GAS6: variants seen among roughly 807,000 people sequenced by gnomAD.
The protein encoded by GAS6 is growth arrest-specific protein 6.
In GAS6, 41 loss-of-function variants were observed where a neutral mutation model predicts 75.8. That is an observed-to-expected ratio of 0.54 (90% CI 0.42 to 0.70). The LOEUF (loss-of-function observed/expected upper bound fraction) is 0.70, where lower values mean the gene tolerates loss of function less well. Among genes scored for constraint, GAS6 ranks in the 30% least tolerant of loss-of-function variants. The pLI is 0.00. For synonymous variants in GAS6, 432 were observed against 412.6 expected (o/e 1.05, Z -0.57); for missense variants, 854 against 940.2 (o/e 0.91, Z 1.20).
chr13:113,860,092 G>A (rs183712913), intron 2 of GAS6, among the ~76,000 whole-genome samples: 133 of 152,326 alleles, frequency 8.7e-4, no homozygotes, highest in African/African-American at 3.0e-3. Context: ...CATCCCATGC[G>A]GAGAATTCCT....
chr13:113,839,028 C>T, intron 5 of GAS6: 1 of 165,372 alleles, frequency 6.0e-6, no homozygotes, highest in Non-Finnish European at 1.3e-5. Context: ...GCCTGGGGAG[C>T]TGCTGGCAGT....
In GAS6 at chr13:113,863,512, G is replaced by T; in HGVS notation, c.255+63C>A. 5 of 1,442,042 alleles carry T rather than the reference G, an allele frequency of 3.5e-6. No individual in the cohort carries two copies. Among genetic ancestry groups the T allele is most frequent in the Non-Finnish European group, 4.5e-6 (5 of 1,101,240 alleles). 89.3% of individuals were successfully genotyped at this position (1,442,042 alleles called of 1,614,324 possible). ...GGGGGCGGCAGCAGCGCTGCCTCTC[G>T]GGAGCGGTTGGAGGCGCGCGGGCGC... On this transcript the variant is annotated intron_variant, in intron 2 of 14. Coordinates refer to ENST00000327773, the MANE Select transcript of GAS6 (RefSeq NM_000820.4). This position sits in a 1 kb window ranked among gnomAD's most constrained non-coding sequence, Gnocchi z 9.4.
In GAS6 at chr13:113,834,678, A is replaced by C. The variant is rs761556478; in HGVS notation, c.713-6T>G. ...CTGCAGACACTCGTCCACATCTGCC[A>C]GCCAGAGGGAAGCGGCGGTGAGCCG... On this transcript the variant is annotated splice_polypyrimidine_tract_variant and splice_region_variant and intron_variant, in intron 7 of 14. Transcript: ENST00000327773. 2 of 1,548,476 alleles carry C rather than the reference A, an allele frequency of 1.3e-6. No individual in the cohort carries two copies. The highest frequency in any genetic ancestry group is 1.9e-5 in the Admixed American group (1 of 51,830).
chr13:113,820,761 G>C lies in GAS6; in HGVS notation c.*103C>G. 7.6e-7 allele frequency: 1 copy of C among 1,308,954 alleles called. No homozygotes were observed. Among genetic ancestry groups the C allele is most frequent in the Non-Finnish European group, 1.0e-6 (1 of 967,230 alleles). The allele number at this position is 1,308,954 out of a possible 1,614,324, so 81.1% of individuals were successfully genotyped here. A position where few individuals can be genotyped will look rare whatever the true frequency, so the allele number is the denominator to read the frequency against. ...TGTTACAGGCCGGGATGGTCACAGA[G>C]GAAAGCCCAGCTCTCAGCATGGCCC... On this transcript the variant is annotated 3_prime_UTR_variant, in exon 15 of 15. Transcript: ENST00000327773.
chr13:113,832,638 T>C lies in GAS6; in HGVS notation c.949A>G (p.Thr317Ala), dbSNP rs1311848343. 1 of 1,612,636 alleles carries C rather than the reference T, an allele frequency of 6.2e-7. No individual in the cohort carries two copies. Among genetic ancestry groups the C allele is most frequent in the Non-Finnish European group, 8.5e-7 (1 of 1,179,974 alleles). ...CTCCTGTGGACACCTCCTCACCTGG[T>C]GGGCTGCAGCCTCTTGAAGCGCAGT... Reference protein sequence around the residue: ...IRLRFKRLQPTRLVAEFDFRT... With the variant: ...IRLRFKRLQPARLVAEFDFRT... Residue 317 changes from threonine to alanine, a missense_variant, in exon 9 of 15, where the codon ACC (threonine) becomes GCC (alanine). By Grantham distance (58) the Thr-to-Ala change is moderately conservative (BLOSUM62 0). Coordinates refer to ENST00000327773, the MANE Select transcript of GAS6 (RefSeq NM_000820.4).
intron 14 of GAS6, chr13:113,821,690 C>A: frequency 4.1e-6 from 2 of 491,286 alleles, no homozygotes; most frequent in South Asian, 3.5e-5. Context: ...TGGACGAATG[C>A]TCCCTGAAGA....
chr13:113,839,604 C>A, intron 5 of GAS6, 124 bp downstream of exon 5: 1 of 1,291,074 alleles, frequency 7.7e-7, no homozygotes, highest in Non-Finnish European at 1.1e-6. Flanking sequence ...AGGGCTGCAG[C>A]CTCCTTGGGG....
intron 2 of GAS6, among the ~76,000 whole-genome samples, chr13:113,858,878 T>TG (rs1491479287): frequency 1.0e-4 from 15 of 149,380 alleles, no homozygotes; most frequent in African/African-American, 2.2e-4. Context: ...TGTACATGAC[T>TG]ATGTAAGTCT....
intron 2 of GAS6, among the ~76,000 whole-genome samples, chr13:113,858,528 T>C (rs1368129625): frequency 8.5e-6 from 1 of 118,094 alleles, no homozygotes. Context: ...TATGTGAATG[T>C]GTGCATGTCT....
rs1211579457 is a variant in GAS6, at chr13:113,829,139, C to T, written c.1144-428G>A. Among the ~76,000 whole-genome samples, 5 of 81,834 alleles carry T rather than the reference C, an allele frequency of 6.1e-5. 1 individual carries two copies. The highest frequency in any genetic ancestry group is 2.5e-4 in the African/African-American group (3 of 12,218). 53.7% of individuals were successfully genotyped at this position (81,834 alleles called of 152,430 possible). On this transcript the variant is annotated intron_variant, in intron 10 of 14. Coordinates refer to ENST00000327773, the MANE Select transcript of GAS6 (RefSeq NM_000820.4). ...CTCACCTGGGCCAAGAGGGTCCCGACCTCAGGGAGACCACCTGATCCTCCC... is the reference window on the plus strand; with the variant it reads ...CTCACCTGGGCCAAGAGGGTCCCGATCTCAGGGAGACCACCTGATCCTCCC...
rs773304233 is a variant in GAS6, at chr13:113,832,855, C to G, written c.835-103G>C. On this transcript the variant is annotated intron_variant, in intron 8 of 14. Transcript: ENST00000327773. The stretch of plus-strand genomic sequence containing the variant: ...CAGCGGGTCCACTGTCCCTCCTGTG[C>G]CTCGGGAGTGGCCACCCCGCCTCTA... 2.5e-6 allele frequency: 4 copies of G among 1,573,644 alleles called. No homozygotes were observed. In the East Asian group the frequency reaches 9.2e-5, roughly 36 times the overall value.
chr13:113,857,320 T>G (rs2051922891), intron 2 of GAS6, among the ~76,000 whole-genome samples: 1 of 152,166 alleles, frequency 6.6e-6, no homozygotes, highest in Admixed American at 6.5e-5. Context: ...CTGATACTGT[T>G]CTTAACTTAT....
chr13:113,857,332 C>T (rs1279319522), intron 2 of GAS6, among the ~76,000 whole-genome samples: 1 of 152,070 alleles, frequency 6.6e-6, no homozygotes, highest in African/African-American at 2.4e-5. Flanking sequence ...TTAACTTATT[C>T]CACTTCCAGC....
In GAS6 at chr13:113,827,562, C is replaced by T. The variant is rs544323332; in HGVS notation, c.1309-398G>A. Among the ~76,000 whole-genome samples the T allele has an allele frequency of 1.7e-3, 260 of 149,858 alleles. 5 individuals carry two copies. Among genetic ancestry groups the T allele is most frequent in the Middle Eastern group, 3.4e-3 (1 of 294 alleles). ...AGGAGGGTCCAGCCAGGCAAAGTCC[C>T]GGCACCAGGCTGTCTGTGGGCCTGG... On this transcript the variant is annotated intron_variant, in intron 11 of 14. Coordinates refer to ENST00000327773, the MANE Select transcript of GAS6 (RefSeq NM_000820.4).
intron 14 of GAS6, 135 bp downstream of exon 14, chr13:113,821,820 TCTC>T (rs2051462869): frequency 7.7e-6 from 5 of 651,014 alleles, no homozygotes; most frequent in Non-Finnish European, 1.3e-5. Context: ...CACCTGGACT[TCTC>T]CTTCCTCTTA....
intron 7 of GAS6, 137 bp from the exon 8 acceptor site, chr13:113,834,809 G>A: frequency 1.0e-6 from 1 of 981,326 alleles, no homozygotes; most frequent in African/African-American, 1.7e-5. Flanking sequence ...GGGCGGCTTG[G>A]GGGTCGCGTC....
intron 8 of GAS6, chr13:113,833,491 G>C: frequency 1.0e-6 from 1 of 991,556 alleles, no homozygotes; most frequent in Non-Finnish European, 1.2e-6. Flanking sequence ...TCAACCCCCA[G>C]GCACAGGCCC....
At chr13:113,833,752 TTG>T (rs1566360339) in intron 8 of GAS6, 2 of 952,312 alleles carry the variant, frequency 2.1e-6, no homozygotes, top group African/African-American at 2.4e-5. Context: ...ACAGGTACTG[TTG>T]TGACAGGTCG....
Position 113,843,434 on chromosome 13 carries a change from G to A in GAS6, c.343+3093C>T, listed in dbSNP as rs190833499. 2 of 151,326 alleles carry A rather than the reference G, an allele frequency of 1.3e-5. 1 individual carries two copies. Among genetic ancestry groups the A allele is most frequent in the African/African-American group, 4.9e-5 (2 of 40,530 alleles). 9.4% of individuals were successfully genotyped at this position (151,326 alleles called of 1,614,324 possible). The stretch of plus-strand genomic sequence containing the variant: ...TGTCTGCCCGAGGGAAGGGCGAGGG[G>A]ACACTCCCCGTGGCGGGGGTGGGAT... On this transcript the variant is annotated intron_variant, in intron 4 of 14. Transcript: ENST00000327773.
Sources: gnomAD v4.1 joint callset for allele counts (sites outside exome capture counted in the v4.1 genomes callset) on GRCh38, gnomAD v4.1.1 for gene constraint, Gnocchi (gnomAD v3.1) non-coding constraint, MANE v1.5 for transcripts, NCBI Gene and HGNC (gene_info 2026-07-23, HGNC 2026-07-21) for gene names.